Variants in ESRRG observed in about 807,000 individuals in gnomAD.
The protein encoded by ESRRG is estrogen-related receptor gamma.
Under a neutral mutation model 44.0 loss-of-function variants are expected in ESRRG, and 13 were observed. The ratio of observed to expected loss-of-function variants is 0.30; its 90% CI spans 0.19 to 0.47. The LOEUF is 0.47. Ranked by LOEUF, ESRRG falls within the 20% of genes least tolerant of loss-of-function variation. ESRRG has a pLI of 1.00. For missense variants in ESRRG, 395 were observed against 580.6 expected, an observed-to-expected ratio of 0.68 and a Z score of 3.29; for synonymous variants, 215 against 214.6, an observed-to-expected ratio of 1.00 and a Z score of -0.02.
intron 3 of ESRRG, among the ~76,000 whole-genome samples, chr1:216,605,799 G>A (rs1432202566): frequency 2.7e-5 from 4 of 149,990 alleles, no homozygotes; most frequent in Admixed American, 2.7e-4. Flanking sequence ...AAAGAGAAAA[G>A]TAAACGAAAG....
At chr1:216,920,638 C>T (rs936376091) in intron 2 of ESRRG, among the ~76,000 whole-genome samples, 3 of 152,084 alleles carry the variant, frequency 2.0e-5, no homozygotes, top group Non-Finnish European at 4.4e-5. Context: ...AAAATACATT[C>T]CCGAGACAAA....
At chr1:216,626,406 C>T (rs1013335475) in intron 3 of ESRRG, among the ~76,000 whole-genome samples, 1 of 152,206 alleles carries the variant, frequency 6.6e-6, no homozygotes, top group East Asian at 1.9e-4. Flanking sequence ...CCCATCCAAA[C>T]ACTGACAGCT....
chr1:216,719,322 C>T (rs1321497052), intron 1 of ESRRG, among the ~76,000 whole-genome samples: 1 of 151,866 alleles, frequency 6.6e-6, no homozygotes, highest in African/African-American at 2.4e-5. Flanking sequence ...TGAGATGGTC[C>T]TTATCTTTTC....
At chr1:216,964,143 A>G (rs2069733119) in intron 1 of ESRRG, among the ~76,000 whole-genome samples, 1 of 152,158 alleles carries the variant, frequency 6.6e-6, no homozygotes, top group Non-Finnish European at 1.5e-5. Context: ...GAGGTGCAAG[A>G]GGTGGGTAGG....
chr1:216,950,969 C>T (rs764903353), intron 1 of ESRRG, among the ~76,000 whole-genome samples: 1 of 152,130 alleles, frequency 6.6e-6, no homozygotes, highest in African/African-American at 2.4e-5. Context: ...CTTCTAATTA[C>T]AATCCTCTAA....
chr1:216,938,635 C>T (rs922160124), intron 2 of ESRRG, among the ~76,000 whole-genome samples: 3 of 152,148 alleles, frequency 2.0e-5, no homozygotes, highest in Non-Finnish European at 4.4e-5. Flanking sequence ...CAAAAATATG[C>T]CTTACTCCAA....
intron 3 of ESRRG, among the ~76,000 whole-genome samples, chr1:216,599,506 T>C (rs1450824255): frequency 6.6e-6 from 1 of 152,160 alleles, no homozygotes; most frequent in Non-Finnish European, 1.5e-5. Flanking sequence ...AGTGCTACAG[T>C]TCTCCAAGTA....
intron 1 of ESRRG, among the ~76,000 whole-genome samples, chr1:216,984,074 C>T (rs2074464490): frequency 1.3e-5 from 2 of 151,782 alleles, no homozygotes; most frequent in Non-Finnish European, 2.9e-5. Context: ...GAGGCTCAAG[C>T]ACTATAAATA....
intron 1 of ESRRG, among the ~76,000 whole-genome samples, chr1:217,074,169 T>A (rs1277709827): frequency 1.3e-5 from 2 of 151,048 alleles, no homozygotes; most frequent in Non-Finnish European, 2.9e-5. Flanking sequence ...TGCCTCAGCC[T>A]CCCCAGTAGC....
At chr1:217,096,380 G>C (rs541663205) in intron 1 of ESRRG, among the ~76,000 whole-genome samples, 1 of 152,336 alleles carries the variant, frequency 6.6e-6, no homozygotes, top group African/African-American at 2.4e-5. Context: ...CCTGCCAGTT[G>C]CTGAACCAGC....
At chr1:216,519,757 A>G (rs2045495209) in intron 5 of ESRRG, among the ~76,000 whole-genome samples, 1 of 150,928 alleles carries the variant, frequency 6.6e-6, no homozygotes. Flanking sequence ...TCTTACAGGA[A>G]GTCAGATTTT....
intron 5 of ESRRG, among the ~76,000 whole-genome samples, chr1:216,562,192 T>C (rs6693327): frequency 0.15 from 22,114 of 152,108 alleles, 2,067 homozygotes; most frequent in Middle Eastern, 0.21. Flanking sequence ...CAGGGACAAC[T>C]TGAGCAGAAC....
At chr1:216,550,200 G>T (rs570181982) in intron 5 of ESRRG, among the ~76,000 whole-genome samples, 156 of 152,184 alleles carry the variant, frequency 1.0e-3, no homozygotes, top group African/African-American at 3.7e-3. Flanking sequence ...GTGTAATTAC[G>T]TCCATCTATC....
chr1:216,628,688 C>T (rs781408654), intron 3 of ESRRG, among the ~76,000 whole-genome samples: 10 of 152,172 alleles, frequency 6.6e-5, no homozygotes, highest in Non-Finnish European at 1.2e-4. Context: ...TTCATTCATT[C>T]CCTGAAGTTG....
At chr1:216,528,808 G>C (rs1348703996) in intron 5 of ESRRG, among the ~76,000 whole-genome samples, 1 of 152,018 alleles carries the variant, frequency 6.6e-6, no homozygotes, top group Non-Finnish European at 1.5e-5. Flanking sequence ...GAGGAGACAA[G>C]GCAATAAAAA....
chr1:216,954,794 T>A (rs1418521534), intron 1 of ESRRG, among the ~76,000 whole-genome samples: 1 of 152,178 alleles, frequency 6.6e-6, no homozygotes, highest in East Asian at 1.9e-4. Context: ...AGTTGTGACA[T>A]CTCAGTAGTG....
chr1:216,764,626 T>C (rs2092981185), intron 2 of ESRRG, among the ~76,000 whole-genome samples: 1 of 152,132 alleles, frequency 6.6e-6, no homozygotes, highest in African/African-American at 2.4e-5. Context: ...GCCTGACAAG[T>C]AGATGGGACT....
At chr1:217,058,384 T>C (rs2087603587) in intron 1 of ESRRG, among the ~76,000 whole-genome samples, 1 of 152,132 alleles carries the variant, frequency 6.6e-6, no homozygotes, top group Non-Finnish European at 1.5e-5. Flanking sequence ...GAATATTGTT[T>C]CCATAAGTCC....
At chr1:216,807,073 T>A (rs1473516617) in intron 2 of ESRRG, among the ~76,000 whole-genome samples, 1 of 152,094 alleles carries the variant, frequency 6.6e-6, no homozygotes, top group African/African-American at 2.4e-5. Context: ...ATTCTGGGAG[T>A]AGCTACCATC....
Sources: allele counts gnomAD v4.1 joint callset (sites outside exome capture counted in the v4.1 genomes callset), GRCh38; gene constraint gnomAD v4.1.1; transcripts MANE v1.5; gene names NCBI Gene and HGNC (gene_info 2026-07-23, HGNC 2026-07-21).